The following NBL1 variants were observed in gnomAD, a reference collection of about 807,000 sequenced individuals.
NBL1 encodes neuroblastoma suppressor of tumorigenicity 1.
NBL1 carries 9 observed loss-of-function variants against 16.0 expected under a neutral mutation model. The ratio of observed to expected loss-of-function variants is 0.56; its 90% CI spans 0.34 to 0.98. The LOEUF (loss-of-function observed/expected upper bound fraction) is 0.98, where lower values mean the gene tolerates loss of function less well. NBL1 is among the 50% of genes least tolerant of loss of function. NBL1 has a pLI of 0.02. For missense variants in NBL1, 196 were observed against 243.1 expected, an observed-to-expected ratio of 0.81 and a Z score of 1.29; for synonymous variants, 86 against 100.7, an observed-to-expected ratio of 0.85 and a Z score of 0.87.
intron 1 of NBL1, chr1:19,646,096 A>C (rs1166408689): frequency 6.5e-7 from 1 of 1,532,938 alleles, no homozygotes; most frequent in African/African-American, 1.4e-5. Context: ...TGGAAGATGC[A>C]GGCAGGCCTG....
chr1:19,654,385 C>T (rs553493536), intron 1 of NBL1, among the ~76,000 whole-genome samples: 6 of 152,174 alleles, frequency 3.9e-5, no homozygotes, highest in Admixed American at 6.5e-5. Context: ...CGTGGGTGAC[C>T]GAGTGAGATC....
chr1:19,652,263 T>C (rs1450105071), intron 1 of NBL1, among the ~76,000 whole-genome samples: 1 of 152,214 alleles, frequency 6.6e-6, no homozygotes, highest in Non-Finnish European at 1.5e-5. Context: ...TCAGGTGTGC[T>C]GTGGGCAGAC....
At chr1:19,650,103 G>A (rs1217311295) in intron 1 of NBL1, among the ~76,000 whole-genome samples, 2 of 152,172 alleles carry the variant, frequency 1.3e-5, no homozygotes, top group African/African-American at 4.8e-5. Context: ...GCCTCCGTGT[G>A]TGTTACAGTG....
chr1:19,644,984 G>C lies in NBL1; in HGVS notation c.-20+538G>C, dbSNP rs905429136. Among the ~76,000 whole-genome samples the C allele has an allele frequency of 6.6e-6, 1 of 151,866 alleles. No homozygotes were observed. The highest frequency in any genetic ancestry group is 2.4e-5 in the African/African-American group (1 of 41,176). On this transcript the variant is annotated intron_variant, in intron 1 of 3. Transcript: ENST00000375136. The surrounding 1 kb of genome is among the most constrained non-coding windows in gnomAD (Gnocchi z 4.6). ...TCCCCGCCTGCCTCCGTGTTCGGCT[G>C]CCCGCGTTTGTGTCTCTGCCTCTGG... is the stretch of plus-strand genomic sequence containing the variant.
At position 19,651,402 on chromosome 1, in the gene NBL1, A is replaced by AGGGGGCCT. The variant is rs945360458; in HGVS notation, c.-19-3609_-19-3602dup. ...GCACTGGAAAGGGTGGAAGGTAAGG[A>AGGGGGCCT]GGGGGCCTTCTGCCTCAGTTCGTCT... is the stretch of plus-strand genomic sequence containing the variant. On this transcript the variant is annotated intron_variant, in intron 1 of 3. Transcript: ENST00000375136. Among the ~76,000 whole-genome samples, 53 of 152,182 alleles carry AGGGGGCCT rather than the reference A, an allele frequency of 3.5e-4. 1 individual carries two copies. The highest frequency in any genetic ancestry group is 1.1e-3 in the African/African-American group (47 of 41,448).
Position 19,655,162 on chromosome 1 carries a change from G to C in NBL1, c.132G>C (p.Val44=), listed in dbSNP as rs892302629. 6.2e-7 allele frequency: 1 copy of C among 1,609,728 alleles called. No homozygotes were observed. The highest frequency in any genetic ancestry group is 1.3e-5 in the African/African-American group (1 of 74,808). The change falls in exon 2 of 4, where the codon GTG becomes GTC. Residue 44 remains valine (V), a synonymous_variant. Coordinates refer to ENST00000375136, the MANE Select transcript of NBL1 (RefSeq NM_005380.8). ...WCEAKNITQI[V]GHSGCEAKSI... ...AAGCCAAGAACATCACCCAGATCGT[G>C]GGCCACAGCGGCTGTGAGGCCAAGT...
chr1:19,655,377 C>A lies in NBL1; in HGVS notation c.224C>A (p.Ser75Tyr). The A allele has an allele frequency of 6.2e-7, 1 of 1,614,122 alleles. No homozygotes were observed. Among genetic ancestry groups the A allele is most frequent in the Non-Finnish European group, 8.5e-7 (1 of 1,180,010 alleles). The change falls in exon 3 of 4, where the codon TCC (serine) becomes TAC (tyrosine). Residue 75 changes from serine to tyrosine, a missense_variant. By Grantham distance (144) the Ser-to-Tyr change is moderately radical. Coordinates refer to ENST00000375136, the MANE Select transcript of NBL1 (RefSeq NM_005380.8). The part of the protein sequence containing the change: ...SYSVPNTFPQ[S>Y]TESLVHCDSC... ...AGCGTCCCCAACACCTTCCCACAGT[C>A]CACAGAGTCCCTGGTTCACTGTGAC...
chr1:19,644,558 G>T lies in NBL1; in HGVS notation c.-20+112G>T. ...GCGTCCCCCGGCGCGTCCGGCGGCCGCGGGCACCGGGTGGAGGCGCCGCCG... is the reference window on the plus strand; with the variant it reads ...GCGTCCCCCGGCGCGTCCGGCGGCCTCGGGCACCGGGTGGAGGCGCCGCCG... On this transcript the variant is annotated intron_variant, in intron 1 of 3. Transcript: ENST00000375136. The surrounding 1 kb of genome is among the most constrained non-coding windows in gnomAD (Gnocchi z 4.6). The T allele has an allele frequency of 4.8e-6, 3 of 629,160 alleles. No homozygotes were observed. Among genetic ancestry groups the T allele is most frequent in the Non-Finnish European group, 5.9e-6 (3 of 505,710 alleles). 39.0% of individuals were successfully genotyped at this position (629,160 alleles called of 1,614,324 possible).
intron 1 of NBL1, among the ~76,000 whole-genome samples, chr1:19,646,435 A>C (rs974855445): frequency 1.3e-5 from 2 of 152,128 alleles, no homozygotes; most frequent in African/African-American, 4.8e-5. Flanking sequence ...CTCATCCTCA[A>C]ACCCCAGAGT....
At chr1:19,652,957 C>T (rs985272639) in intron 1 of NBL1, among the ~76,000 whole-genome samples, 4 of 151,320 alleles carry the variant, frequency 2.6e-5, no homozygotes, top group African/African-American at 7.3e-5. Context: ...CATGACACTC[C>T]AGCCTGGGCG....
upstream of NBL1, chr1:19,644,237 C>A: frequency 2.0e-6 from 2 of 977,918 alleles, no homozygotes; most frequent in African/African-American, 3.5e-5. The surrounding 1 kb of genome is among the most constrained non-coding windows in gnomAD (Gnocchi z 4.6). Flanking sequence ...GCTGCCCCCG[C>A]CCTCGCGCCC....
chr1:19,646,595 G>C (rs1045685763), intron 1 of NBL1, among the ~76,000 whole-genome samples: 2 of 152,144 alleles, frequency 1.3e-5, no homozygotes, highest in Admixed American at 6.5e-5. Flanking sequence ...TCAAGACCTG[G>C]AGCGATCGCC....
chr1:19,654,987 A>G (rs2095047788), intron 1 of NBL1, 25 bp from the exon 2 acceptor site: 1 of 1,540,092 alleles, frequency 6.5e-7, no homozygotes, highest in Non-Finnish European at 8.7e-7. Context: ...GCTGTGCCTC[A>G]CCTGGCACCT....
chr1:19,649,333 T>C (rs2095007391), intron 1 of NBL1, among the ~76,000 whole-genome samples: 2 of 147,900 alleles, frequency 1.4e-5, no homozygotes, highest in African/African-American at 2.5e-5. Context: ...ACGTACACAA[T>C]GGTGCTGCCA....
intron 3 of NBL1, among the ~76,000 whole-genome samples, chr1:19,655,849 G>A (rs146505927): frequency 1.3e-5 from 2 of 152,190 alleles, no homozygotes; most frequent in East Asian, 1.9e-4. Context: ...TCAGTGCCTC[G>A]CACCTGCTCC....
rs764679953 is a variant in NBL1 at position 19,658,132 on chromosome 1, G to A, written c.*1003G>A. 3.9e-5 allele frequency: 6 copies of A among 152,796 alleles called. No homozygotes were observed. The highest frequency in any genetic ancestry group is 7.3e-5 in the Non-Finnish European group (5 of 68,140). The allele number at this position is 152,796 out of a possible 1,614,324, so 9.5% of individuals were successfully genotyped here. On this transcript the variant is annotated 3_prime_UTR_variant, in exon 4 of 4. Transcript: ENST00000375136. ...CCAGGACGAGGAGGACATGGGACTTGCGTGGACAGTCAGGGTTCACTTGGG... is the reference window on the plus strand; with the variant it reads ...CCAGGACGAGGAGGACATGGGACTTACGTGGACAGTCAGGGTTCACTTGGG...
chr1:19,651,764 A>C (rs1055608635), intron 1 of NBL1, among the ~76,000 whole-genome samples: 2 of 151,316 alleles, frequency 1.3e-5, no homozygotes, highest in Admixed American at 1.3e-4. Flanking sequence ...GGACGCAATC[A>C]TGGCTCACTG....
Position 19,655,221 on chromosome 1 carries a change from G to A in NBL1, c.170+21G>A, listed in dbSNP as rs749726493. On this transcript the variant is annotated intron_variant, in intron 2 of 3. Coordinates refer to ENST00000375136, the MANE Select transcript of NBL1 (RefSeq NM_005380.8). Reference sequence around the variant, plus strand: ...AACAGGTGGGACCCAAGGGGTGGGTGGGGGGATGCGGACAGGGGTCCAAGG... The same window carrying A: ...AACAGGTGGGACCCAAGGGGTGGGTAGGGGGATGCGGACAGGGGTCCAAGG... 4 of 1,603,014 alleles carry A rather than the reference G, an allele frequency of 2.5e-6. No individual in the cohort carries two copies. In the East Asian group the frequency reaches 6.7e-5, roughly 27 times the overall value.
chr1:19,651,531 G>A (rs1192366913), intron 1 of NBL1, among the ~76,000 whole-genome samples: 1 of 152,128 alleles, frequency 6.6e-6, no homozygotes, highest in Non-Finnish European at 1.5e-5. Flanking sequence ...TTCCCAGTAA[G>A]CCTCCATTAG....
Sources: gnomAD v4.1 joint callset for allele counts (sites outside exome capture counted in the v4.1 genomes callset) on GRCh38, gnomAD v4.1.1 for gene constraint, Gnocchi (gnomAD v3.1) non-coding constraint, MANE v1.5 for transcripts, NCBI Gene and HGNC (gene_info 2026-07-23, HGNC 2026-07-21) for gene names.